The following SAMSN1 variants were observed in gnomAD, a reference collection of about 807,000 sequenced individuals.
SAMSN1 encodes the protein SAM domain, SH3 domain and nuclear localization signals 1, also known as SAM domain-containing protein SAMSN-1.
Under a neutral mutation model 42.0 loss-of-function variants are expected in SAMSN1, and 31 were observed. The observed-to-expected ratio is 0.74, with a 90% CI of 0.55 to 1.00. The LOEUF is 1.00. Ranked by LOEUF, SAMSN1 falls within the 50% of genes least tolerant of loss-of-function variation. The probability of loss-of-function intolerance (pLI) is 0.00; values close to 1 mark genes in which losing one functional copy is unlikely to be tolerated. For missense variants in SAMSN1, 464 were observed against 439.4 expected (o/e 1.06, Z -0.50); for synonymous variants, 178 against 151.9 (o/e 1.17, Z -1.26).
intron 2 of SAMSN1, among the ~76,000 whole-genome samples, chr21:14,637,951 G>A (rs1983505944): frequency 6.6e-6 from 1 of 152,136 alleles, no homozygotes; most frequent in Non-Finnish European, 1.5e-5. Context: ...GTGTGTTTTG[G>A]TTTGAGTGTA....
At chr21:14,641,690 C>T (rs147441874) in intron 2 of SAMSN1, among the ~76,000 whole-genome samples, 22 of 152,226 alleles carry the variant, frequency 1.4e-4, no homozygotes, top group African/African-American at 5.3e-4. Context: ...CAGGAAGTGG[C>T]ATCTAAATCT....
intron 7 of SAMSN1, among the ~76,000 whole-genome samples, chr21:14,492,680 T>C (rs773654709): frequency 3.1e-4 from 47 of 152,340 alleles, no homozygotes; most frequent in Non-Finnish European, 5.3e-4. Context: ...AATTTTCTGG[T>C]AGAAAAGTGA....
At chr21:14,543,609 T>C (rs1980185088) in intron 1 of SAMSN1, among the ~76,000 whole-genome samples, 1 of 152,194 alleles carries the variant, frequency 6.6e-6, no homozygotes, top group South Asian at 2.1e-4. Context: ...AGTTTGATCA[T>C]TTTTAATTGA....
At chr21:14,621,834 GGTCCCT>G (rs1237848357) in intron 2 of SAMSN1, among the ~76,000 whole-genome samples, 2 of 152,204 alleles carry the variant, frequency 1.3e-5, no homozygotes, top group Non-Finnish European at 2.9e-5. Flanking sequence ...CCCTCAAGGG[GGTCCCT>G]GACCCTCGAG....
chr21:14,608,455 G>T (rs1306911135), intron 5 of SAMSN1, among the ~76,000 whole-genome samples: 1 of 152,172 alleles, frequency 6.6e-6, no homozygotes, highest in Admixed American at 6.5e-5. Flanking sequence ...TCCACAGTGG[G>T]CTGAAGCACT....
At chr21:14,556,367 C>T (rs1244251953) in intron 2 of SAMSN1, among the ~76,000 whole-genome samples, 1 of 151,980 alleles carries the variant, frequency 6.6e-6, no homozygotes, top group Non-Finnish European at 1.5e-5. Flanking sequence ...AGTTTAATTA[C>T]AAATAAATAG....
chr21:14,596,194 G>T (rs530913689), intron 6 of SAMSN1, among the ~76,000 whole-genome samples: 1 of 152,070 alleles, frequency 6.6e-6, no homozygotes, highest in South Asian at 2.1e-4. Flanking sequence ...TTATTTCACC[G>T]GAAACAAGAG....
chr21:14,518,843 A>C (rs540724743), intron 2 of SAMSN1, among the ~76,000 whole-genome samples: 1 of 152,274 alleles, frequency 6.6e-6, no homozygotes, highest in African/African-American at 2.4e-5. Context: ...AAGCACTTTA[A>C]AATTTTAGAG....
chr21:14,582,820 AT>A (rs1463479607), intron 1 of SAMSN1, among the ~76,000 whole-genome samples: 1 of 151,420 alleles, frequency 6.6e-6, no homozygotes, highest in African/African-American at 2.4e-5. Context: ...CCCACCTCTT[AT>A]GTTTCTATTC....
chr21:14,583,999 AT>A (rs34155133), upstream of SAMSN1, among the ~76,000 whole-genome samples: 266 of 149,186 alleles, frequency 1.8e-3, 5 homozygotes, highest in East Asian at 4.9e-3. Context: ...TGGTTTTACC[AT>A]TTTTTTTTTT....
At chr21:14,618,685 TGTGTGTGC>T (rs71183432) in intron 2 of SAMSN1, among the ~76,000 whole-genome samples, 52,066 of 98,944 alleles carry the variant, frequency 0.53, 10,795 homozygotes, top group Non-Finnish European at 0.57. Context: ...TGTGTGTGTG[TGTGTGTGC>T]GCGCGCGCGC....
At chr21:14,499,555 T>C (rs1225790987) in intron 6 of SAMSN1, among the ~76,000 whole-genome samples, 23 of 151,426 alleles carry the variant, frequency 1.5e-4, no homozygotes, top group Admixed American at 1.5e-3. Context: ...AAAAAGTATA[T>C]TCTTAGCACT....
intron 2 of SAMSN1, among the ~76,000 whole-genome samples, chr21:14,622,749 A>C (rs1983048504): frequency 6.6e-6 from 1 of 152,192 alleles, no homozygotes; most frequent in Non-Finnish European, 1.5e-5. Flanking sequence ...GCCAACATTC[A>C]AATTCAGGAA....
At chr21:14,513,657 G>T (rs113203912) in intron 3 of SAMSN1, among the ~76,000 whole-genome samples, 108 of 152,242 alleles carry the variant, frequency 7.1e-4, no homozygotes, top group Non-Finnish European at 9.7e-4. Context: ...AGGGTTAGGG[G>T]TTGGCTGATT....
At chr21:14,597,926 A>G (rs1982318363) in intron 6 of SAMSN1, 1 of 152,138 alleles carries the variant, frequency 6.6e-6, no homozygotes. Flanking sequence ...ATTTTCCAGA[A>G]AAGAAAGTCC....
At chr21:14,503,504 A>G (rs1987265623) in intron 5 of SAMSN1, among the ~76,000 whole-genome samples, 1 of 152,184 alleles carries the variant, frequency 6.6e-6, no homozygotes, top group South Asian at 2.1e-4. Context: ...TGACCTACAG[A>G]AACTGTGAGC....
At chr21:14,551,203 C>A (rs1177955633), upstream of SAMSN1, among the ~76,000 whole-genome samples, 3 of 151,954 alleles carry the variant, frequency 2.0e-5, no homozygotes, top group African/African-American at 7.3e-5. Flanking sequence ...GAGAGCCTGG[C>A]CTGGCAAAAT....
intron 2 of SAMSN1, among the ~76,000 whole-genome samples, chr21:14,624,133 A>G (rs1983098055): frequency 6.6e-6 from 1 of 152,236 alleles, no homozygotes; most frequent in African/African-American, 2.4e-5. Context: ...AGAAATGTAT[A>G]GAGGGAAATT....
chr21:14,526,556 A>C (rs562208354), intron 1 of SAMSN1, among the ~76,000 whole-genome samples: 1 of 152,302 alleles, frequency 6.6e-6, no homozygotes. Flanking sequence ...ATTATTACAG[A>C]ATACTGTTTC....
Sources: allele counts gnomAD v4.1 joint callset (sites outside exome capture counted in the v4.1 genomes callset), GRCh38; gene constraint gnomAD v4.1.1; transcripts MANE v1.5; gene names NCBI Gene and HGNC (gene_info 2026-07-23, HGNC 2026-07-21).